The following SLC35F3 variants were observed in gnomAD, a reference collection of about 807,000 sequenced individuals.
SLC35F3 encodes the protein solute carrier family 35 member F3.
A neutral mutation model predicts 49.9 loss-of-function variants in SLC35F3; 25 were observed. That is an observed-to-expected ratio of 0.50 (90% CI 0.37 to 0.70). The LOEUF (loss-of-function observed/expected upper bound fraction) is 0.70, where lower values mean the gene tolerates loss of function less well. SLC35F3 is among the 30% of genes least tolerant of loss of function. SLC35F3 has a pLI of 0.00. For synonymous variants in SLC35F3, 275 were observed against 265.4 expected (o/e 1.04, Z -0.35); for missense variants, 525 against 639.8 (o/e 0.82, Z 1.94).
intron 2 of SLC35F3, among the ~76,000 whole-genome samples, chr1:234,135,638 C>A (rs967354842): frequency 2.0e-5 from 3 of 152,234 alleles, no homozygotes; most frequent in Non-Finnish European, 4.4e-5. Flanking sequence ...GCTCCAGCGA[C>A]AAGCTGGGAC....
intron 7 of SLC35F3, among the ~76,000 whole-genome samples, chr1:234,322,555 G>T (rs1657646034): frequency 6.6e-6 from 1 of 152,072 alleles, no homozygotes; most frequent in Admixed American, 6.6e-5. Context: ...AAGAGGAGGG[G>T]TTGGTCTTGC....
At chr1:234,030,121 C>T (rs2102847658) in intron 2 of SLC35F3, among the ~76,000 whole-genome samples, 1 of 152,300 alleles carries the variant, frequency 6.6e-6, no homozygotes, top group Middle Eastern at 3.4e-3. Context: ...TTCACTCAGA[C>T]AGAATACACT....
chr1:234,066,829 C>T (rs1194526823), intron 2 of SLC35F3, among the ~76,000 whole-genome samples: 1 of 79,602 alleles, frequency 1.3e-5, no homozygotes, highest in African/African-American at 4.6e-5. Context: ...CCCTCTCTCT[C>T]CCACACACAC....
At chr1:233,941,672 C>G (rs1294833194) in intron 2 of SLC35F3, among the ~76,000 whole-genome samples, 1 of 152,140 alleles carries the variant, frequency 6.6e-6, no homozygotes, top group Admixed American at 6.5e-5. Context: ...AACTCTGTAC[C>G]TAATGACACC....
At chr1:234,054,750 T>C (rs1017061558) in intron 2 of SLC35F3, among the ~76,000 whole-genome samples, 2 of 152,224 alleles carry the variant, frequency 1.3e-5, no homozygotes, top group African/African-American at 2.4e-5. Context: ...GCTTTTCTGC[T>C]CTGGTTTCTC....
At chr1:233,997,776 G>A (rs12026553) in intron 2 of SLC35F3, among the ~76,000 whole-genome samples, 2,572 of 151,590 alleles carry the variant, frequency 0.017, 91 homozygotes, top group East Asian at 0.16. Context: ...TTTTGAGACA[G>A]AGTGTTACTC....
chr1:234,183,161 T>C (rs940910345), intron 2 of SLC35F3, among the ~76,000 whole-genome samples: 1 of 142,348 alleles, frequency 7.0e-6, no homozygotes, highest in Non-Finnish European at 1.5e-5. Flanking sequence ...AGATTACAGA[T>C]GCACACCACC....
chr1:234,054,850 T>A (rs926582899), intron 2 of SLC35F3, among the ~76,000 whole-genome samples: 1 of 152,180 alleles, frequency 6.6e-6, no homozygotes, highest in East Asian at 1.9e-4. Flanking sequence ...TGTTTGTTAG[T>A]TTTCCTTCTA....
At chr1:234,096,544 C>T (rs930285217) in intron 2 of SLC35F3, among the ~76,000 whole-genome samples, 5 of 152,320 alleles carry the variant, frequency 3.3e-5, no homozygotes, top group African/African-American at 9.6e-5. Flanking sequence ...CACAGCAGAA[C>T]ATGAGTGTCT....
intron 3 of SLC35F3, chr1:234,272,511 G>A (rs765704595): frequency 1.1e-4 from 17 of 152,184 alleles, no homozygotes; most frequent in Non-Finnish European, 2.4e-4. Flanking sequence ...TGAGGGTAGG[G>A]TACAGACATA....
At chr1:234,050,177 G>A (rs1664353877) in intron 2 of SLC35F3, among the ~76,000 whole-genome samples, 6 of 152,136 alleles carry the variant, frequency 3.9e-5, no homozygotes, top group African/African-American at 1.4e-4. Context: ...TGGGTCAAAT[G>A]GTATTTCTAG....
At chr1:234,184,723 T>C (rs1666608807) in intron 2 of SLC35F3, among the ~76,000 whole-genome samples, 1 of 152,108 alleles carries the variant, frequency 6.6e-6, no homozygotes, top group Non-Finnish European at 1.5e-5. Context: ...AGGACTCAGC[T>C]CCGCAGGCCA....
intron 2 of SLC35F3, among the ~76,000 whole-genome samples, chr1:234,077,497 G>C (rs954144612): frequency 2.2e-4 from 34 of 152,326 alleles, no homozygotes; most frequent in African/African-American, 7.5e-4. Context: ...CATGAGAACA[G>C]CATGGGGGAA....
chr1:234,242,973 A>G (rs1667576851), intron 3 of SLC35F3, among the ~76,000 whole-genome samples: 2 of 152,224 alleles, frequency 1.3e-5, no homozygotes, highest in African/African-American at 4.8e-5. Flanking sequence ...TTTCACCAAC[A>G]AAATGGAGAC....
At chr1:234,004,081 A>G (rs1663593897) in intron 2 of SLC35F3, among the ~76,000 whole-genome samples, 1 of 152,202 alleles carries the variant, frequency 6.6e-6, no homozygotes, top group Admixed American at 6.5e-5. Flanking sequence ...CCTATGCCTT[A>G]GAAAGTGAGT....
At chr1:234,197,785 T>C (rs1235838642) in intron 2 of SLC35F3, among the ~76,000 whole-genome samples, 1 of 152,190 alleles carries the variant, frequency 6.6e-6, no homozygotes, top group Admixed American at 6.5e-5. Context: ...CTCAATAACA[T>C]CAATTTGAGG....
Position 234,127,707 on chromosome 1 carries a change from A to G in SLC35F3, c.284-103710A>G, listed in dbSNP as rs571529831. On this transcript the variant is annotated intron_variant, in intron 2 of 7. Transcript: ENST00000366618. ...GCAAGTATTACCATAATAAAAGCTG[A>G]GTATTAAAAATATGATGAGATTTTC... 2.6e-5 allele frequency among the ~76,000 whole-genome samples: 4 copies of G among 151,988 alleles called. No individual in the cohort carries two copies. The South Asian group carries it at 8.3e-4, about 32-fold the overall frequency.
chr1:234,264,869 A>G (rs1372082630), intron 3 of SLC35F3, among the ~76,000 whole-genome samples: 1 of 152,100 alleles, frequency 6.6e-6, no homozygotes, highest in Non-Finnish European at 1.5e-5. Context: ...CCTTTTACCT[A>G]AGCTAACACT....
chr1:234,068,823 TTATA>T (rs10645395), intron 2 of SLC35F3, among the ~76,000 whole-genome samples: 16,858 of 71,012 alleles, frequency 0.24, 2,868 homozygotes, highest in East Asian at 0.49. Context: ...ATTTGAGACA[TTATA>T]TATATATATA....
Sources: allele counts gnomAD v4.1 joint callset (sites outside exome capture counted in the v4.1 genomes callset), GRCh38; gene constraint gnomAD v4.1.1; transcripts MANE v1.5; gene names NCBI Gene and HGNC (gene_info 2026-07-23, HGNC 2026-07-21).